The following DCC variants were observed in gnomAD, a reference collection of about 807,000 sequenced individuals.
DCC encodes DCC netrin 1 receptor.
Under a neutral mutation model 172.5 loss-of-function variants are expected in DCC, and 58 were observed. The ratio of observed to expected loss-of-function variants is 0.34; its 90% CI spans 0.27 to 0.42. The LOEUF is 0.42. Ranked by LOEUF, DCC falls within the 10% of genes least tolerant of loss-of-function variation. The pLI, the probability that DCC is intolerant of heterozygous loss-of-function variation, is 1.00. For missense variants in DCC, 1,740 were observed against 1,791.0 expected (o/e 0.97, Z 0.51); for synonymous variants, 709 against 644.5 (o/e 1.10, Z -1.52).
rs1480784847 is a variant in DCC, at chr18:53,428,183, T to G, written c.3164-6961T>G. On this transcript the variant is annotated intron_variant, in intron 21 of 28. Coordinates refer to ENST00000442544, the MANE Select transcript of DCC (RefSeq NM_005215.4). ...ATAATAATATATAATATGTAATATATAATATAGAATATATAATATTATATA... is the reference window on the plus strand; with the variant it reads ...ATAATAATATATAATATGTAATATAGAATATAGAATATATAATATTATATA... Among the ~76,000 whole-genome samples, 11 of 47,566 alleles carry G rather than the reference T, an allele frequency of 2.3e-4. 2 individuals are homozygous for G. Among genetic ancestry groups the G allele is most frequent in the South Asian group, 1.8e-3 (3 of 1,636 alleles). The allele number at this position is 47,566 out of a possible 152,430, so 31.2% of individuals were successfully genotyped here.
At chr18:52,764,395 T>G (rs1843866219) in intron 2 of DCC, among the ~76,000 whole-genome samples, 1 of 152,198 alleles carries the variant, frequency 6.6e-6, no homozygotes, top group Non-Finnish European at 1.5e-5. Flanking sequence ...CCAAACCTCG[T>G]GTTGAAATTT....
chr18:53,365,775 A>C (rs1490271450), intron 15 of DCC, among the ~76,000 whole-genome samples: 1 of 152,236 alleles, frequency 6.6e-6, no homozygotes, highest in Non-Finnish European at 1.5e-5. Flanking sequence ...GACATCAAAA[A>C]GGCTGAGAGA....
intron 7 of DCC, among the ~76,000 whole-genome samples, chr18:53,105,696 G>A (rs2043235057): frequency 6.6e-6 from 1 of 151,732 alleles, no homozygotes; most frequent in African/African-American, 2.4e-5. Flanking sequence ...TTTATGCTTT[G>A]CTGTCCCCTC....
chr18:52,558,691 C>G (rs1239253455), intron 1 of DCC, among the ~76,000 whole-genome samples: 1 of 152,026 alleles, frequency 6.6e-6, no homozygotes, highest in African/African-American at 2.4e-5. Context: ...AAGGAGAACC[C>G]GGGTCTCCTC....
At chr18:52,515,105 A>G (rs1021701962) in intron 1 of DCC, among the ~76,000 whole-genome samples, 7 of 152,206 alleles carry the variant, frequency 4.6e-5, no homozygotes, top group African/African-American at 1.7e-4. Context: ...CATATAGAAC[A>G]ATGGAACAGA....
chr18:52,732,692 T>C (rs1022818067), intron 1 of DCC, among the ~76,000 whole-genome samples: 6 of 152,186 alleles, frequency 3.9e-5, no homozygotes, highest in African/African-American at 1.4e-4. Context: ...TGAAGTCCAA[T>C]ACATTTCAAA....
At chr18:52,575,275 T>C (rs992856761) in intron 1 of DCC, among the ~76,000 whole-genome samples, 3 of 152,140 alleles carry the variant, frequency 2.0e-5, no homozygotes, top group African/African-American at 7.2e-5. Flanking sequence ...GCATTTAAAA[T>C]TAGTAAATTA....
intron 1 of DCC, among the ~76,000 whole-genome samples, chr18:52,538,475 C>T (rs1242771251): frequency 2.0e-5 from 3 of 152,172 alleles, no homozygotes; most frequent in Admixed American, 6.5e-5. Context: ...GTACCCTGTT[C>T]AAACTTTATT....
chr18:52,682,425 C>G (rs577992810), intron 1 of DCC, among the ~76,000 whole-genome samples: 1 of 151,996 alleles, frequency 6.6e-6, no homozygotes, highest in South Asian at 2.1e-4. Context: ...GGCTTAGGAA[C>G]AATGGGAAGG....
intron 2 of DCC, among the ~76,000 whole-genome samples, chr18:52,788,935 A>G (rs1392124072): frequency 9.2e-5 from 14 of 152,122 alleles, no homozygotes; most frequent in African/African-American, 3.4e-4. Context: ...CATTCAGCTT[A>G]TTTTGTAATC....
intron 2 of DCC, among the ~76,000 whole-genome samples, chr18:52,783,342 T>G (rs1421088525): frequency 4.8e-5 from 5 of 105,130 alleles, no homozygotes; most frequent in African/African-American, 1.5e-4. Flanking sequence ...TTTTTTTTTT[T>G]TTTTTTTTTT....
intron 8 of DCC, among the ~76,000 whole-genome samples, chr18:53,162,590 T>A (rs1293289292): frequency 6.6e-6 from 1 of 152,170 alleles, no homozygotes; most frequent in Non-Finnish European, 1.5e-5. Flanking sequence ...TCCTTATGTT[T>A]CCTAAATATT....
chr18:52,719,913 T>A (rs1467592437), intron 1 of DCC, among the ~76,000 whole-genome samples: 1 of 152,114 alleles, frequency 6.6e-6, no homozygotes, highest in Non-Finnish European at 1.5e-5. Context: ...TGGAGCCTCA[T>A]GAACCCCTGG....
At chr18:52,443,822 T>C (rs930940576) in intron 1 of DCC, among the ~76,000 whole-genome samples, 1 of 152,312 alleles carries the variant, frequency 6.6e-6, no homozygotes, top group Non-Finnish European at 1.5e-5. Context: ...AGTCATCCCA[T>C]TTTTATTCTA....
At chr18:52,800,069 T>G (rs921676900) in intron 2 of DCC, among the ~76,000 whole-genome samples, 3 of 152,242 alleles carry the variant, frequency 2.0e-5, no homozygotes, top group Admixed American at 6.5e-5. Context: ...TTCTAAATTA[T>G]ACTTTTATTA....
chr18:52,787,744 T>C (rs377200348), intron 2 of DCC, among the ~76,000 whole-genome samples: 2 of 152,108 alleles, frequency 1.3e-5, no homozygotes, highest in Admixed American at 1.3e-4. Context: ...TGTTAGAGAT[T>C]TAAAACACTT....
At chr18:52,447,567 G>C (rs1302355630) in intron 1 of DCC, among the ~76,000 whole-genome samples, 1 of 152,164 alleles carries the variant, frequency 6.6e-6, no homozygotes, top group Non-Finnish European at 1.5e-5. Flanking sequence ...AGGTGTGCTA[G>C]TCTGTTCTCG....
At chr18:53,210,767 G>T (rs142134053) in intron 11 of DCC, among the ~76,000 whole-genome samples, 1 of 151,916 alleles carries the variant, frequency 6.6e-6, no homozygotes, top group South Asian at 2.1e-4. Context: ...AAAGTTAAGT[G>T]TAAATACATT....
At chr18:52,404,278 G>A (rs1301810620) in intron 1 of DCC, among the ~76,000 whole-genome samples, 1 of 152,006 alleles carries the variant, frequency 6.6e-6, no homozygotes, top group African/African-American at 2.4e-5. Flanking sequence ...AGACATCATT[G>A]AGCAACTCTT....
Sources: allele counts gnomAD v4.1 joint callset (sites outside exome capture counted in the v4.1 genomes callset), GRCh38; gene constraint gnomAD v4.1.1; transcripts MANE v1.5; gene names NCBI Gene and HGNC (gene_info 2026-07-23, HGNC 2026-07-21).